Variants in XKR5 observed in about 807,000 individuals in gnomAD.
The protein encoded by XKR5 is XK-related protein 5.
XKR5 carries 46 observed loss-of-function variants against 40.8 expected under a neutral mutation model. That is an observed-to-expected ratio of 1.13 (90% CI 0.89 to 1.44). XKR5 has a LOEUF of 1.44. Ranked by LOEUF, XKR5 falls within the 40% of genes most tolerant of loss-of-function variation. The probability of loss-of-function intolerance (pLI) is 0.00; values close to 1 mark genes in which losing one functional copy is unlikely to be tolerated. For synonymous variants in XKR5, 466 were observed against 356.1 expected (o/e 1.31, Z -3.48); for missense variants, 1,169 against 844.7 (o/e 1.38, Z -4.76).
In XKR5 at chr8:6,811,797, C is replaced by T. The variant is rs1297564544; in HGVS notation, c.1462G>A (p.Val488Ile). 1.8e-5 allele frequency: 27 copies of T among 1,537,520 alleles called. No individual in the cohort carries two copies. Among genetic ancestry groups the T allele is most frequent in the Admixed American group, 3.9e-5 (2 of 50,984 alleles). The change falls in exon 7 of 7, where the codon GTA (valine) becomes ATA (isoleucine). Residue 488 changes from valine (V) to isoleucine (I), a missense_variant. Transcript: ENST00000618742. ...EADPLETSSY[V>I]SFASDQQDEA... ...TCCTGCTGATCGCTGGCAAAAGATA[C>T]GTAACTTGAGGTTTCCAATGGGTCG...
intron 1 of XKR5, among the ~76,000 whole-genome samples, chr8:6,833,709 C>G (rs1305758318): frequency 2.0e-5 from 3 of 151,444 alleles, no homozygotes; most frequent in East Asian, 1.9e-4. Flanking sequence ...GAGCAAGACT[C>G]TTGTCTCAAA....
chr8:6,826,245 T>C (rs1804471386), intron 2 of XKR5, among the ~76,000 whole-genome samples: 1 of 152,148 alleles, frequency 6.6e-6, no homozygotes, highest in South Asian at 2.1e-4. Flanking sequence ...ATATAGTGTG[T>C]ATGTTTATAT....
At chr8:6,813,299 T>C (rs75442796) in intron 6 of XKR5, among the ~76,000 whole-genome samples, 1,528 of 152,328 alleles carry the variant, frequency 0.01, 19 homozygotes, top group African/African-American at 0.034. Flanking sequence ...GTTTCTGCAC[T>C]GTTTTGAATT....
At chr8:6,833,265 G>C (rs1175026145) in intron 1 of XKR5, among the ~76,000 whole-genome samples, 1 of 152,224 alleles carries the variant, frequency 6.6e-6, no homozygotes. Flanking sequence ...CTAATCTGAA[G>C]CTGGTGCTCT....
chr8:6,831,872 G>A (rs969474903), intron 2 of XKR5, among the ~76,000 whole-genome samples: 4 of 152,090 alleles, frequency 2.6e-5, no homozygotes, highest in Non-Finnish European at 4.4e-5. Context: ...AAAATTAGCC[G>A]GGCATGGTGG....
At position 6,823,703 on chromosome 8, in the gene XKR5, G is replaced by C; in HGVS notation, c.455C>G (p.Ser152Ter). 1 of 1,585,840 alleles carries C rather than the reference G, an allele frequency of 6.3e-7. No individual in the cohort carries two copies. Among genetic ancestry groups the C allele is most frequent in the Non-Finnish European group, 8.6e-7 (1 of 1,166,156 alleles). ...PGVSTLFSWS[S>*]LSWALVSYTR... ...GTAGGACACCAGTGCCCAGGAGAGTGAGGACCAGGAAAACAGGGTGCTCAC... is the reference window on the plus strand; with the variant it reads ...GTAGGACACCAGTGCCCAGGAGAGTCAGGACCAGGAAAACAGGGTGCTCAC... The change falls in exon 4 of 7, where the codon TCA becomes TGA. Residue 152 changes from serine to a stop codon, truncating the protein, a stop_gained. Transcript: ENST00000618742. LOFTEE classifies it high-confidence loss of function.
Position 6,825,184 on chromosome 8 carries a change from G to A in XKR5, c.408C>T (p.Asp136=), listed in dbSNP as rs796388580. The change falls in exon 3 of 7, where the codon GAC becomes GAT. Residue 136 remains aspartate (D), a synonymous_variant. Coordinates refer to ENST00000618742, the MANE Select transcript of XKR5 (RefSeq NM_207411.5). ...LLQTYVFLAS[D]FTDIVPGVST... ...ACTCACCTGGCACAATATCTGTGAA[G>A]TCTGAGGCTAGAAAAACATATGTCT... 1.2e-6 allele frequency: 2 copies of A among 1,613,564 alleles called. No homozygotes were observed. The highest frequency in any genetic ancestry group is 1.7e-4 in the Middle Eastern group (1 of 6,060).
At position 6,832,688 on chromosome 8, in the gene XKR5, C is replaced by T. The variant is rs74400011; in HGVS notation, c.242+29G>A. 13,716 of 1,611,324 alleles carry T rather than the reference C, an allele frequency of 8.5e-3. 787 individuals carry two copies. The African/African-American group carries it at 0.14, about 17-fold the overall frequency. On this transcript the variant is annotated intron_variant, in intron 2 of 6. Transcript: ENST00000618742. ...CTCACTGCACTTGTGCAATTGTGCT[C>T]CAGAGGTGAAAGAGGCAGCTGTTCT...
chr8:6,813,752 T>C (rs1436459023), intron 6 of XKR5, among the ~76,000 whole-genome samples: 1 of 152,076 alleles, frequency 6.6e-6, no homozygotes, highest in African/African-American at 2.4e-5. Flanking sequence ...GGCTATGGAC[T>C]CCCTACTCAC....
chr8:6,834,539 C>T (rs949355394), intron 1 of XKR5, among the ~76,000 whole-genome samples: 5 of 152,240 alleles, frequency 3.3e-5, no homozygotes, highest in Admixed American at 3.3e-4. Context: ...CCCTTCCAGT[C>T]CGGGGCGCGG....
chr8:6,834,658 T>G (rs560879837), intron 1 of XKR5, among the ~76,000 whole-genome samples: 1 of 151,814 alleles, frequency 6.6e-6, no homozygotes, highest in African/African-American at 2.4e-5. Flanking sequence ...AAGGCGGCGT[T>G]CCCAGGGTAC....
At chr8:6,822,774 C>G (rs943759981) in intron 4 of XKR5, among the ~76,000 whole-genome samples, 1 of 152,226 alleles carries the variant, frequency 6.6e-6, no homozygotes, top group Non-Finnish European at 1.5e-5. Context: ...GACTCTCTGT[C>G]ATTGCCATTC....
chr8:6,818,349 CT>C (rs1165828811), intron 5 of XKR5, among the ~76,000 whole-genome samples: 2 of 152,226 alleles, frequency 1.3e-5, no homozygotes, highest in Non-Finnish European at 2.9e-5. Flanking sequence ...AGCTCTGCCT[CT>C]TGTGTCCTGT....
Position 6,810,345 on chromosome 8 carries a change from G to C in XKR5, c.*853C>G, listed in dbSNP as rs1262647561. On this transcript the variant is annotated 3_prime_UTR_variant, in exon 7 of 7. Coordinates refer to ENST00000618742, the MANE Select transcript of XKR5 (RefSeq NM_207411.5). ...ATGGACGTTTCCTCCCTTCTTTTTG[G>C]ATGGGCTTAAATCATGGATAGTGTC... The C allele has an allele frequency of 1.3e-5, 2 of 152,252 alleles. No individual in the cohort carries two copies. The highest frequency in any genetic ancestry group is 4.8e-5 in the African/African-American group (2 of 41,446). 9.4% of individuals were successfully genotyped at this position (152,252 alleles called of 1,614,324 possible).
chr8:6,834,435 A>C (rs114224859), intron 1 of XKR5, among the ~76,000 whole-genome samples: 1,598 of 152,294 alleles, frequency 0.01, 44 homozygotes, highest in East Asian at 0.084. Context: ...TCGGTGCTGC[A>C]GGGCTGGGGA....
chr8:6,823,380 C>A, intron 4 of XKR5, 141 bp downstream of exon 4: 2 of 855,492 alleles, frequency 2.3e-6, no homozygotes, highest in Non-Finnish European at 1.8e-6. Flanking sequence ...CTGAGGCCAC[C>A]CAAGCAAGAT....
chr8:6,818,332 T>C (rs907839114), intron 5 of XKR5, among the ~76,000 whole-genome samples: 9 of 152,222 alleles, frequency 5.9e-5, no homozygotes, highest in Non-Finnish European at 1.0e-4. Context: ...CTTCCCTGAC[T>C]TTCCCAAGCT....
At position 6,811,346 on chromosome 8, in the gene XKR5, T is replaced by C; in HGVS notation, c.1913A>G (p.His638Arg). Residue 638 changes from histidine to arginine, a missense_variant, in exon 7 of 7, where the codon CAC becomes CGC. Physicochemically the swap from His to Arg is conservative, Grantham distance 29 (BLOSUM62 0). Transcript: ENST00000618742. ...EPLEPKRELS[H>R]HAAVGVWVSL... is the part of the protein sequence containing the mutation. ...CACCCACACACCAACAGCTGCATGG[T>C]GACTTAGCTCCCTTTTGGGCTCCAG... 1 of 1,537,376 alleles carries C rather than the reference T, an allele frequency of 6.5e-7. No homozygotes were observed. Among genetic ancestry groups the C allele is most frequent in the Non-Finnish European group, 8.7e-7 (1 of 1,146,930 alleles).
At chr8:6,822,316 C>T (rs1288781434) in intron 4 of XKR5, among the ~76,000 whole-genome samples, 1 of 152,118 alleles carries the variant, frequency 6.6e-6, no homozygotes, top group Non-Finnish European at 1.5e-5. Context: ...ATATTGTATA[C>T]CTATGACCTT....
Sources: gnomAD v4.1 joint callset for allele counts (sites outside exome capture counted in the v4.1 genomes callset) on GRCh38, gnomAD v4.1.1 for gene constraint, MANE v1.5 for transcripts, NCBI Gene and HGNC (gene_info 2026-07-23, HGNC 2026-07-21) for gene names.